The following ARHGEF28 variants were observed in gnomAD, a reference collection of about 807,000 sequenced individuals.
The protein encoded by ARHGEF28 is Rho guanine nucleotide exchange factor 28, also known as 190 kDa guanine nucleotide exchange factor.
ARHGEF28 carries 152 observed loss-of-function variants against 206.6 expected under a neutral mutation model. That is an observed-to-expected ratio of 0.74 (90% confidence interval 0.64 to 0.84). ARHGEF28 has a LOEUF of 0.84. ARHGEF28 is among the 40% of genes least tolerant of loss of function. The pLI is 0.00. For synonymous variants in ARHGEF28, 763 were observed against 776.4 expected (o/e 0.98, Z 0.29); for missense variants, 2,028 against 2,073.2 (o/e 0.98, Z 0.42).
chr5:73,894,828 T>G (rs1761865418), intron 29 of ARHGEF28, among the ~76,000 whole-genome samples: 1 of 152,032 alleles, frequency 6.6e-6, no homozygotes, highest in South Asian at 2.1e-4. Flanking sequence ...ATCGCTCTGT[T>G]TTAGATAGGG....
At chr5:73,824,902 G>A (rs570713000) in intron 9 of ARHGEF28, among the ~76,000 whole-genome samples, 1 of 152,266 alleles carries the variant, frequency 6.6e-6, no homozygotes, top group East Asian at 1.9e-4. Context: ...GTGAATAAGT[G>A]AATGAAAGAA....
At chr5:73,931,991 C>T (rs1764150821) in intron 35 of ARHGEF28, among the ~76,000 whole-genome samples, 1 of 152,124 alleles carries the variant, frequency 6.6e-6, no homozygotes, top group Non-Finnish European at 1.5e-5. Context: ...TATAGATCAC[C>T]TTGAAATACC....
chr5:73,907,269 T>G (rs1261277083), intron 33 of ARHGEF28, among the ~76,000 whole-genome samples: 3 of 152,220 alleles, frequency 2.0e-5, no homozygotes, highest in Non-Finnish European at 4.4e-5. Context: ...TGTTGCCGGA[T>G]GAAAACACTC....
Position 73,883,883 on chromosome 5 carries a change from G to C in ARHGEF28, c.3054G>C (p.Lys1018Asn), listed in dbSNP as rs1761104581. ...VLVERILQYT[K>N]ERTEEHKDLR... ...TGGAAAGGATATTGCAGTACACAAA[G>C]GGTAAGTTGTGACTTCTGGGATAAA... The change falls in exon 24 of 36, where the codon AAG becomes AAC. Residue 1018 changes from lysine to asparagine, a missense_variant and splice_region_variant. By Grantham distance (94) the Lys-to-Asn change is moderately conservative. Coordinates refer to ENST00000513042, the MANE Select transcript of ARHGEF28 (RefSeq NM_001177693.2). 6.6e-7 allele frequency: 1 copy of C among 1,520,442 alleles called. No individual in the cohort carries two copies. 94.2% of individuals were successfully genotyped at this position (1,520,442 alleles called of 1,614,324 possible). A position where few individuals can be genotyped will look rare whatever the true frequency, so the allele number is the denominator to read the frequency against.
rs1561379212 is a variant in ARHGEF28, at chr5:73,752,907, A to G, written c.182-2A>G. The G allele has an allele frequency of 1.2e-6, 2 of 1,613,726 alleles. No homozygotes were observed. Among genetic ancestry groups the G allele is most frequent in the Non-Finnish European group, 1.7e-6 (2 of 1,179,816 alleles). On this transcript the variant is annotated splice_acceptor_variant, in intron 3 of 35. Coordinates refer to ENST00000513042, the MANE Select transcript of ARHGEF28 (RefSeq NM_001177693.2). LOFTEE classifies it high-confidence loss of function. ...TGAACTGTTCACTGTCTTGTTGTCC[A>G]GGCCATGGGCTTCAGGAGACGGTGA...
chr5:73,700,406 T>C (rs1417870968), intron 2 of ARHGEF28, among the ~76,000 whole-genome samples: 1 of 152,224 alleles, frequency 6.6e-6, no homozygotes, highest in African/African-American at 2.4e-5. Flanking sequence ...AATCTGTTTT[T>C]AAATAGAGGA....
At chr5:73,734,355 A>G (rs1337928033) in intron 2 of ARHGEF28, among the ~76,000 whole-genome samples, 4 of 152,258 alleles carry the variant, frequency 2.6e-5, no homozygotes, top group Middle Eastern at 3.4e-3. Flanking sequence ...TGGGGTTGGG[A>G]TGAGCAGAAG....
At chr5:73,802,245 TAAG>T (rs57281898) in intron 9 of ARHGEF28, among the ~76,000 whole-genome samples, 87,789 of 151,538 alleles carry the variant, frequency 0.58, 26,350 homozygotes, top group African/African-American at 0.75. Context: ...TTTTGAACAT[TAAG>T]AAGAATCAAG....
At chr5:73,836,425 A>G (rs926801126) in intron 10 of ARHGEF28, among the ~76,000 whole-genome samples, 1 of 149,660 alleles carries the variant, frequency 6.7e-6, no homozygotes, top group East Asian at 2.0e-4. Context: ...GCATATACCT[A>G]TTGGCCATTT....
chr5:73,660,933 A>G (rs1356338820), intron 1 of ARHGEF28, among the ~76,000 whole-genome samples: 1 of 152,204 alleles, frequency 6.6e-6, no homozygotes, highest in Non-Finnish European at 1.5e-5. Context: ...TTGGAATGGT[A>G]AATGAGCATC....
rs552371039 is a variant in ARHGEF28, at chr5:73,647,909, A to G, written c.-12+21587A>G. Among the ~76,000 whole-genome samples the G allele has an allele frequency of 7.2e-5, 11 of 152,382 alleles. No homozygotes were observed. In the South Asian group the frequency reaches 2.3e-3, roughly 32 times the overall value. On this transcript the variant is annotated intron_variant, in intron 1 of 35. Coordinates refer to ENST00000513042, the MANE Select transcript of ARHGEF28 (RefSeq NM_001177693.2). Reference sequence around the variant, plus strand: ...AGTCTGGATCAAACATCTGAAAGGCAAAGATTGCATCATCTTTTCTTGAGA... The same window carrying G: ...AGTCTGGATCAAACATCTGAAAGGCGAAGATTGCATCATCTTTTCTTGAGA...
At chr5:73,917,727 G>A (rs1239599750) in intron 35 of ARHGEF28, among the ~76,000 whole-genome samples, 1 of 152,224 alleles carries the variant, frequency 6.6e-6, no homozygotes, top group Non-Finnish European at 1.5e-5. Flanking sequence ...AAGTGTGGGA[G>A]TCCACATGGT....
At chr5:73,790,600 T>A (rs1481487858) in intron 7 of ARHGEF28, among the ~76,000 whole-genome samples, 1 of 150,262 alleles carries the variant, frequency 6.7e-6, no homozygotes, top group South Asian at 2.1e-4. Flanking sequence ...TTTCTGTAAA[T>A]AAGTGCCTCA....
At chr5:73,891,007 C>T (rs531698630) in intron 26 of ARHGEF28, among the ~76,000 whole-genome samples, 2 of 152,296 alleles carry the variant, frequency 1.3e-5, no homozygotes, top group Non-Finnish European at 2.9e-5. Context: ...TTAATCATGG[C>T]GTACATGCCA....
At chr5:73,896,565 A>G (rs1761972070) in intron 29 of ARHGEF28, among the ~76,000 whole-genome samples, 1 of 152,302 alleles carries the variant, frequency 6.6e-6, no homozygotes, top group Admixed American at 6.5e-5. Flanking sequence ...ACCTGTTAGG[A>G]TGTGATCACA....
chr5:73,795,266 A>G (rs996002894), intron 8 of ARHGEF28, 65 bp from the exon 9 acceptor site: 2 of 1,468,440 alleles, frequency 1.4e-6, no homozygotes, highest in African/African-American at 1.4e-5. Context: ...CTAGTTCACA[A>G]AAATAAACAT....
chr5:73,860,453 T>C (rs1277216300), intron 16 of ARHGEF28, among the ~76,000 whole-genome samples: 1 of 152,110 alleles, frequency 6.6e-6, no homozygotes, highest in Non-Finnish European at 1.5e-5. Context: ...CGAAACCCAG[T>C]GTGTCTAAAA....
Position 73,897,043 on chromosome 5 carries a change from A to C in ARHGEF28, c.3842-919A>C, listed in dbSNP as rs142896405. Among the ~76,000 whole-genome samples the C allele has an allele frequency of 3.0e-3, 458 of 152,280 alleles. 5 individuals are homozygous for C. Among genetic ancestry groups the C allele is most frequent in the African/African-American group, 0.01 (425 of 41,554 alleles). On this transcript the variant is annotated intron_variant, in intron 29 of 35. Transcript: ENST00000513042. ...CGACAAAAAGCCAGTTCAGTAGTGC[A>C]CCTTGAATCGTCTTCCTGGGACTTC... is the stretch of plus-strand genomic sequence containing the variant.
At chr5:73,916,759 C>G (rs1281442253) in intron 35 of ARHGEF28, among the ~76,000 whole-genome samples, 1 of 152,028 alleles carries the variant, frequency 6.6e-6, no homozygotes, top group East Asian at 1.9e-4. Flanking sequence ...TGATTTTTCT[C>G]CCTACCATAG....
Sources: allele counts gnomAD v4.1 joint callset (sites outside exome capture counted in the v4.1 genomes callset), GRCh38; gene constraint gnomAD v4.1.1; transcripts MANE v1.5; gene names NCBI Gene and HGNC (gene_info 2026-07-23, HGNC 2026-07-21).